CDH9: variants seen among roughly 807,000 people sequenced by gnomAD.
CDH9 encodes the protein cadherin 9.
A neutral mutation model predicts 70.9 loss-of-function variants in CDH9; 28 were observed. The observed-to-expected ratio is 0.40, with a 90% CI of 0.29 to 0.54. CDH9 has a LOEUF of 0.54. CDH9 is among the 20% of genes least tolerant of loss of function. The probability of loss-of-function intolerance (pLI) is 0.59; values close to 1 mark genes in which losing one functional copy is unlikely to be tolerated. For synonymous variants in CDH9, 409 were observed against 343.1 expected, an observed-to-expected ratio of 1.19 and a Z score of -2.12; for missense variants, 874 against 984.4, an observed-to-expected ratio of 0.89 and a Z score of 1.50.
chr5:26,940,944 C>A (rs1741651882), intron 2 of CDH9, among the ~76,000 whole-genome samples: 1 of 152,152 alleles, frequency 6.6e-6, no homozygotes, highest in Admixed American at 6.5e-5. Context: ...ATAAACTTAT[C>A]CAGGCTGAAG....
rs575349538 is a variant in CDH9, at chr5:26,952,999, A to C, written c.228+35107T>G. ...AAGAAAATTAAAGAATTTCATAATT[A>C]GGGAGGATGTTATATAATTGATATT... On this transcript the variant is annotated intron_variant, in intron 2 of 11. Transcript: ENST00000231021. Among the ~76,000 whole-genome samples the C allele has an allele frequency of 2.4e-4, 37 of 151,448 alleles. No individual in the cohort carries two copies. In the South Asian group the frequency reaches 7.5e-3, roughly 31 times the overall value.
At chr5:27,021,342 T>G (rs1049968159) in intron 1 of CDH9, among the ~76,000 whole-genome samples, 22 of 151,648 alleles carry the variant, frequency 1.5e-4, no homozygotes, top group African/African-American at 5.1e-4. Context: ...AATTGTATAT[T>G]CCCCCAGAAG....
At chr5:27,000,936 A>G (rs1742756472) in intron 1 of CDH9, among the ~76,000 whole-genome samples, 1 of 152,136 alleles carries the variant, frequency 6.6e-6, no homozygotes. Flanking sequence ...GTAAAAGATG[A>G]GTGGTTTCCA....
intron 2 of CDH9, among the ~76,000 whole-genome samples, chr5:26,938,700 G>A (rs921118199): frequency 1.3e-5 from 2 of 151,960 alleles, no homozygotes; most frequent in Non-Finnish European, 2.9e-5. Flanking sequence ...ATTTATGATA[G>A]CCCAATAACC....
At chr5:27,009,897 C>A (rs976104932) in intron 1 of CDH9, among the ~76,000 whole-genome samples, 2 of 152,058 alleles carry the variant, frequency 1.3e-5, no homozygotes, top group East Asian at 3.9e-4. Flanking sequence ...ATAGACTTTG[C>A]TGTGTCTATT....
chr5:26,881,666 G>T, intron 11 of CDH9, 43 bp from the exon 12 acceptor site: 1 of 1,543,268 alleles, frequency 6.5e-7, no homozygotes. Flanking sequence ...TCATGAGTCA[G>T]GATAAAATAG....
chr5:26,949,900 C>T (rs569464057), intron 2 of CDH9, among the ~76,000 whole-genome samples: 22 of 152,230 alleles, frequency 1.4e-4, no homozygotes, highest in Non-Finnish European at 2.9e-4. Flanking sequence ...TGGAAAACAA[C>T]TTATTCATTA....
At chr5:26,963,991 G>A (rs948842531) in intron 2 of CDH9, among the ~76,000 whole-genome samples, 1 of 152,084 alleles carries the variant, frequency 6.6e-6, no homozygotes, top group Non-Finnish European at 1.5e-5. Context: ...GTCCAAGGCA[G>A]ATTTAACATT....
At chr5:26,995,405 T>C (rs1050721074) in intron 1 of CDH9, among the ~76,000 whole-genome samples, 6 of 152,262 alleles carry the variant, frequency 3.9e-5, no homozygotes, top group Admixed American at 2.0e-4. Flanking sequence ...TGATGTAGAG[T>C]AATTCTCATA....
Position 27,014,479 on chromosome 5 carries a change from C to T in CDH9, c.-50+23984G>A, listed in dbSNP as rs182581700. On this transcript the variant is annotated intron_variant, in intron 1 of 11. Transcript: ENST00000231021. ...CTACTCAGGAAGTTTGTCTTTAGCA[C>T]CCACAATGTAACCACTATGTTGTAA... Among the ~76,000 whole-genome samples, 6 of 151,940 alleles carry T rather than the reference C, an allele frequency of 3.9e-5. No homozygotes were observed. In the East Asian group the frequency reaches 1.2e-3, roughly 30 times the overall value.
At chr5:26,983,729 T>C (rs1742441495) in intron 2 of CDH9, among the ~76,000 whole-genome samples, 1 of 114,408 alleles carries the variant, frequency 8.7e-6, no homozygotes, top group Admixed American at 7.6e-5. Flanking sequence ...TAAACATATT[T>C]TACTTAGATT....
At chr5:26,937,694 G>A (rs1175732973) in intron 2 of CDH9, among the ~76,000 whole-genome samples, 1 of 152,042 alleles carries the variant, frequency 6.6e-6, no homozygotes, top group Non-Finnish European at 1.5e-5. Context: ...TTAAATTCAT[G>A]TTGCTAAGAC....
intron 11 of CDH9, among the ~76,000 whole-genome samples, chr5:26,883,474 T>C (rs1240788038): frequency 6.6e-6 from 1 of 151,944 alleles, no homozygotes; most frequent in Non-Finnish European, 1.5e-5. Flanking sequence ...TGAAAAAAAG[T>C]ACATCATTAT....
chr5:26,920,244 C>T (rs188225936), intron 2 of CDH9, among the ~76,000 whole-genome samples: 12 of 151,466 alleles, frequency 7.9e-5, no homozygotes, highest in Admixed American at 5.9e-4. Flanking sequence ...TTGTCATGGG[C>T]CTGAGGTGGT....
Position 27,026,063 on chromosome 5 carries a change from T to C in CDH9, c.-50+12400A>G, listed in dbSNP as rs530141891. 9.7e-4 allele frequency among the ~76,000 whole-genome samples: 148 copies of C among 152,060 alleles called. No individual in the cohort carries two copies. The South Asian group carries it at 0.012, about 12-fold the overall frequency. On this transcript the variant is annotated intron_variant, in intron 1 of 11. Coordinates refer to ENST00000231021, the MANE Select transcript of CDH9 (RefSeq NM_016279.4). ...TATAGTAGCTGCTTGAACTCTCTGT[T>C]TGAAATTTATTAATAGCAATATTTA...
At position 26,881,324 on chromosome 5, in the gene CDH9, T is replaced by A; in HGVS notation, c.2182A>T (p.Ser728Cys). ...GCCAGCGAATCATATGGAGGTGCAC[T>A]TGGGTCTGCGTCGTTTTCTTTTAAT... Reference protein sequence around the residue: ...RRLKENDADPSAPPYDSLATY... With the variant: ...RRLKENDADPCAPPYDSLATY... Residue 728 changes from serine (S) to cysteine (C), a missense_variant, in exon 12 of 12, where the codon AGT becomes TGT. Physicochemically the swap from Ser to Cys is moderately radical, Grantham distance 112. Coordinates refer to ENST00000231021, the MANE Select transcript of CDH9 (RefSeq NM_016279.4). 1.2e-6 allele frequency: 2 copies of A among 1,613,346 alleles called. No homozygotes were observed. The highest frequency in any genetic ancestry group is 8.5e-7 in the Non-Finnish European group (1 of 1,179,412).
At chr5:26,911,206 T>C (rs1741047369) in intron 3 of CDH9, among the ~76,000 whole-genome samples, 1 of 152,128 alleles carries the variant, frequency 6.6e-6, no homozygotes, top group Admixed American at 6.6e-5. Context: ...TTAATCCTCA[T>C]GATACATGTG....
intron 2 of CDH9, among the ~76,000 whole-genome samples, chr5:26,972,800 A>C (rs1742242421): frequency 6.6e-6 from 1 of 152,184 alleles, no homozygotes; most frequent in Non-Finnish European, 1.5e-5. Context: ...GAAGAAACTA[A>C]GATGTGAGAA....
intron 2 of CDH9, among the ~76,000 whole-genome samples, chr5:26,932,171 A>C (rs979021317): frequency 6.6e-6 from 1 of 152,148 alleles, no homozygotes; most frequent in Non-Finnish European, 1.5e-5. Flanking sequence ...TTGTCAAAAA[A>C]ATCTTAAAAG....
Sources: allele counts gnomAD v4.1 joint callset (sites outside exome capture counted in the v4.1 genomes callset), GRCh38; gene constraint gnomAD v4.1.1; transcripts MANE v1.5; gene names NCBI Gene and HGNC (gene_info 2026-07-23, HGNC 2026-07-21).